Variants in LMCD1 observed in about 807,000 individuals in gnomAD.
The protein encoded by LMCD1 is LIM and cysteine-rich domains protein 1.
Under a neutral mutation model 42.7 loss-of-function variants are expected in LMCD1, and 32 were observed. The observed-to-expected ratio is 0.75, with a 90% confidence interval of 0.57 to 1.01. LMCD1 has a LOEUF of 1.01. Ranked by LOEUF, LMCD1 falls within the 50% of genes least tolerant of loss-of-function variation. The pLI is 0.00. For missense variants in LMCD1, 458 were observed against 483.1 expected (o/e 0.95, Z 0.49); for synonymous variants, 178 against 184.9 (o/e 0.96, Z 0.30).
chr3:8,501,873 T>TCCCCGCTGC lies in LMCD1; in HGVS notation c.-65_-57dup, dbSNP rs1693729727. On this transcript the variant is annotated 5_prime_UTR_variant, in exon 1 of 6. Transcript: ENST00000157600. ...GAACTTGGCCATTCAGCCGCCGCTG[T>TCCCCGCTGC]CCCCGCTGCGCGCCCTCGCGCCTCT... is the stretch of plus-strand genomic sequence containing the variant. 6.7e-7 allele frequency: 1 copy of TCCCCGCTGC among 1,481,504 alleles called. No individual in the cohort carries two copies. 91.8% of individuals were successfully genotyped at this position (1,481,504 alleles called of 1,614,324 possible).
intron 4 of LMCD1, among the ~76,000 whole-genome samples, chr3:8,551,832 C>T (rs539269861): frequency 6.6e-6 from 1 of 152,342 alleles, no homozygotes; most frequent in Middle Eastern, 3.4e-3. Flanking sequence ...CCTCTCCTTT[C>T]TCATAAAAGG....
chr3:8,546,771 A>G (rs1380531081), intron 3 of LMCD1, among the ~76,000 whole-genome samples: 1 of 152,182 alleles, frequency 6.6e-6, no homozygotes, highest in Non-Finnish European at 1.5e-5. Flanking sequence ...TCCATGAGTG[A>G]AGGTAGAAAT....
At chr3:8,554,977 C>T (rs1354300185) in intron 4 of LMCD1, among the ~76,000 whole-genome samples, 1 of 152,162 alleles carries the variant, frequency 6.6e-6, no homozygotes, top group Non-Finnish European at 1.5e-5. Flanking sequence ...CCCAACCACT[C>T]CTTCCTCAGG....
intron 3 of LMCD1, among the ~76,000 whole-genome samples, chr3:8,543,933 T>C (rs1440078507): frequency 6.6e-6 from 1 of 152,204 alleles, no homozygotes; most frequent in Non-Finnish European, 1.5e-5. Flanking sequence ...TGTAATTTCA[T>C]ACTGATCAAG....
chr3:8,532,687 G>T, intron 1 of LMCD1, 50 bp from the exon 2 acceptor site: 2 of 1,533,616 alleles, frequency 1.3e-6, no homozygotes, highest in Non-Finnish European at 9.0e-7. Flanking sequence ...AAGCATCTCC[G>T]GTCCAAGATG....
intron 4 of LMCD1, 72 bp from the exon 5 acceptor site, chr3:8,565,360 C>G (rs1318589853): frequency 5.9e-6 from 8 of 1,344,894 alleles, no homozygotes; most frequent in African/African-American, 4.3e-5. Context: ...AAGGCTGGAG[C>G]TGGAATTCGA....
chr3:8,510,565 G>C (rs1693976173), intron 1 of LMCD1, among the ~76,000 whole-genome samples: 2 of 152,232 alleles, frequency 1.3e-5, no homozygotes, highest in South Asian at 4.2e-4. Context: ...TGTGAATAAA[G>C]ACAAACGCCC....
intron 4 of LMCD1, among the ~76,000 whole-genome samples, chr3:8,559,085 G>A (rs1016725881): frequency 6.6e-6 from 1 of 152,122 alleles, no homozygotes; most frequent in Non-Finnish European, 1.5e-5. Context: ...GATGAGTGGA[G>A]CTGAGTCTGG....
intron 1 of LMCD1, among the ~76,000 whole-genome samples, chr3:8,502,267 A>ATATATATATAAAATATATATAATATATAT (rs1693739175): frequency 1.2e-5 from 1 of 80,374 alleles, no homozygotes; most frequent in Non-Finnish European, 2.3e-5. Context: ...TGTATATAAA[A>ATATATATATAAAATATATATAATATATAT]TATATATATA....
At chr3:8,549,797 G>A (rs1694808293) in intron 4 of LMCD1, 1 of 702,636 alleles carries the variant, frequency 1.4e-6, no homozygotes, top group African/African-American at 1.7e-5. Flanking sequence ...ACTCTCTGCA[G>A]AGTCCTGAGG....
intron 1 of LMCD1, among the ~76,000 whole-genome samples, chr3:8,512,020 C>T (rs1379095343): frequency 2.0e-5 from 3 of 152,174 alleles, no homozygotes; most frequent in African/African-American, 4.8e-5. Flanking sequence ...GGAACACACA[C>T]GTATGTGCAC....
chr3:8,530,025 C>T (rs1446119853), intron 1 of LMCD1, among the ~76,000 whole-genome samples: 2 of 152,208 alleles, frequency 1.3e-5, no homozygotes, highest in African/African-American at 4.8e-5. Context: ...AGGGGAAAAA[C>T]TGAGACTAAA....
At chr3:8,525,073 G>A (rs1028235519) in intron 1 of LMCD1, among the ~76,000 whole-genome samples, 1 of 152,104 alleles carries the variant, frequency 6.6e-6, no homozygotes, top group Non-Finnish European at 1.5e-5. Flanking sequence ...TACCCTGTTA[G>A]CAAATTTCAA....
At chr3:8,503,010 T>C (rs1693796573) in intron 1 of LMCD1, among the ~76,000 whole-genome samples, 1 of 152,164 alleles carries the variant, frequency 6.6e-6, no homozygotes. Flanking sequence ...ACCAGGTCAC[T>C]TTTCTGAGCC....
chr3:8,515,417 T>C (rs550914088), intron 1 of LMCD1, among the ~76,000 whole-genome samples: 7 of 152,190 alleles, frequency 4.6e-5, no homozygotes, highest in Non-Finnish European at 1.0e-4. Context: ...AAGTTCTCTG[T>C]CCTGTGAAGT....
chr3:8,514,300 A>G (rs1397125728), intron 1 of LMCD1, among the ~76,000 whole-genome samples: 1 of 152,232 alleles, frequency 6.6e-6, no homozygotes. Context: ...CAGAAAAACA[A>G]ACGCACAATG....
At position 8,571,891 on chromosome 3, in the gene LMCD1, G is replaced by A. The variant is rs780080014; in HGVS notation, c.*4293G>A. 3 of 152,158 alleles carry A rather than the reference G, an allele frequency of 2.0e-5. No homozygotes were observed. The highest frequency in any genetic ancestry group is 2.9e-5 in the Non-Finnish European group (2 of 68,036). 9.4% of individuals were successfully genotyped at this position (152,158 alleles called of 1,614,324 possible). A position where few individuals can be genotyped will look rare whatever the true frequency, so the allele number is the denominator to read the frequency against. On this transcript the variant is annotated 3_prime_UTR_variant, in exon 6 of 6. Coordinates refer to ENST00000157600, the MANE Select transcript of LMCD1 (RefSeq NM_014583.4). ...CTTTATCACTCTTGAATATTTTCGT[G>A]TGTAATTCCTACAAATAAGGACATT...
chr3:8,501,930 C>G lies in LMCD1; in HGVS notation c.-9C>G. On this transcript the variant is annotated 5_prime_UTR_variant, in exon 1 of 6. Transcript: ENST00000157600. ...GAAGCCAGGCGCTGTTCCCCCACCC[C>G]AGAAGAGGATGGCAAAGGTGGCTAA... 2.5e-6 allele frequency: 4 copies of G among 1,590,342 alleles called. No homozygotes were observed. Among genetic ancestry groups the G allele is most frequent in the Non-Finnish European group, 3.4e-6 (4 of 1,169,662 alleles).
At chr3:8,513,176 G>C (rs1457946339) in intron 1 of LMCD1, among the ~76,000 whole-genome samples, 1 of 152,158 alleles carries the variant, frequency 6.6e-6, no homozygotes, top group Non-Finnish European at 1.5e-5. Flanking sequence ...AGGAGGTAAT[G>C]GCCATTTTTT....
Sources: gnomAD v4.1 joint callset for allele counts (sites outside exome capture counted in the v4.1 genomes callset) on GRCh38, gnomAD v4.1.1 for gene constraint, MANE v1.5 for transcripts, NCBI Gene and HGNC (gene_info 2026-07-23, HGNC 2026-07-21) for gene names.